TRIO: variants seen among roughly 807,000 people sequenced by gnomAD.
TRIO encodes the protein triple functional domain protein.
Under a neutral mutation model 351.9 loss-of-function variants are expected in TRIO, and 58 were observed. The observed-to-expected ratio is 0.16, with a 90% CI of 0.13 to 0.21. The LOEUF is 0.21. Ranked by LOEUF, TRIO falls within the 10% of genes least tolerant of loss-of-function variation. The pLI, the probability that TRIO is intolerant of heterozygous loss-of-function variation, is 1.00. For synonymous variants in TRIO, 1,758 were observed against 1,595.7 expected (o/e 1.10, Z -2.42); for missense variants, 3,201 against 4,027.8 (o/e 0.79, Z 5.56).
intron 1 of TRIO, among the ~76,000 whole-genome samples, chr5:14,224,882 G>C (rs1488740958): frequency 6.6e-6 from 1 of 151,874 alleles, no homozygotes; most frequent in Non-Finnish European, 1.5e-5. Context: ...GTGACATTAT[G>C]TTAAATACGC....
chr5:14,420,577 T>C (rs1750034238), intron 34 of TRIO: 1 of 153,140 alleles, frequency 6.5e-6, no homozygotes. Context: ...CAGAGGATTT[T>C]CAGACTTTGG....
At chr5:14,177,776 G>T (rs956632311) in intron 1 of TRIO, among the ~76,000 whole-genome samples, 2 of 152,202 alleles carry the variant, frequency 1.3e-5, no homozygotes, top group African/African-American at 4.8e-5. Context: ...CTGTCTTGAG[G>T]GCTGAGTATA....
At chr5:14,359,157 T>C (rs1218195606) in intron 12 of TRIO, among the ~76,000 whole-genome samples, 200 bp from the exon 13 acceptor site, 4 of 152,268 alleles carry the variant, frequency 2.6e-5, no homozygotes, top group African/African-American at 7.2e-5. Flanking sequence ...AATTCTTCAA[T>C]GTATCCTCAG....
chr5:14,233,911 C>T (rs770763331), intron 1 of TRIO, among the ~76,000 whole-genome samples: 47 of 152,056 alleles, frequency 3.1e-4, no homozygotes, highest in Non-Finnish European at 5.1e-4. Context: ...TCACCTCAGC[C>T]TCCTGAGTAG....
chr5:14,287,494 T>A (rs1049084999), intron 4 of TRIO, among the ~76,000 whole-genome samples: 4 of 152,226 alleles, frequency 2.6e-5, no homozygotes, highest in African/African-American at 9.6e-5. Context: ...CTGTCATGGA[T>A]AATGGAAAGA....
chr5:14,290,694 A>G, intron 4 of TRIO, 22 bp from the exon 5 acceptor site: 1 of 1,570,094 alleles, frequency 6.4e-7, no homozygotes, highest in Non-Finnish European at 8.6e-7. Context: ...ATCTTCTCAT[A>G]CGTGATTTTT....
chr5:14,154,772 A>G (rs779351557), intron 1 of TRIO, among the ~76,000 whole-genome samples: 10 of 152,198 alleles, frequency 6.6e-5, no homozygotes, highest in Non-Finnish European at 1.5e-4. Context: ...GATGATTGAA[A>G]TGCTGGTCTC....
At chr5:14,439,302 C>T (rs1751838223) in intron 34 of TRIO, among the ~76,000 whole-genome samples, 1 of 152,234 alleles carries the variant, frequency 6.6e-6, no homozygotes, top group Non-Finnish European at 1.5e-5. Flanking sequence ...GCATGAGCCA[C>T]CGCGCCTGGC....
intron 43 of TRIO, 106 bp from the exon 44 acceptor site, chr5:14,481,128 C>A (rs540815206): frequency 4.0e-6 from 5 of 1,238,840 alleles, no homozygotes; most frequent in African/African-American, 1.5e-5. Context: ...GAGTTCAAGA[C>A]CAGCTTGAGT....
intron 1 of TRIO, among the ~76,000 whole-genome samples, chr5:14,234,767 C>T (rs539243622): frequency 6.2e-4 from 95 of 152,194 alleles, no homozygotes; most frequent in South Asian, 1.2e-3. Flanking sequence ...TAAATTGCCA[C>T]GTCAGATCAT....
rs1007314592 is a variant in TRIO, at chr5:14,304,130, G to T, written c.1369-331G>T. 5.9e-5 allele frequency among the ~76,000 whole-genome samples: 9 copies of T among 152,272 alleles called. No individual in the cohort carries two copies. In the South Asian group the frequency reaches 1.9e-3, roughly 32 times the overall value. On this transcript the variant is annotated intron_variant, in intron 7 of 56. Transcript: ENST00000344204. ...GGAGTGCAGGGCAGTTAGAAACGTG[G>T]ATTCAAAGGTGGACTGGGAGAATTT... is the stretch of plus-strand genomic sequence containing the variant.
In TRIO at chr5:14,442,055, T is replaced by TGCTG. The variant is rs1752095875; in HGVS notation, c.5204-18963_5204-18960dup. On this transcript the variant is annotated intron_variant, in intron 34 of 56. Transcript: ENST00000344204. ...GTTGGGTCTGCAGATGCCCATGGAA[T>TGCTG]GCTGCCCTGTTCCAGAGGCCAGCTT... 2.6e-5 allele frequency among the ~76,000 whole-genome samples: 4 copies of TGCTG among 152,352 alleles called. No individual in the cohort carries two copies. In the South Asian group the frequency reaches 8.3e-4, roughly 32 times the overall value.
chr5:14,507,447 G>A (rs76507250), intron 56 of TRIO, among the ~76,000 whole-genome samples, 187 bp downstream of exon 56: 6 of 152,138 alleles, frequency 3.9e-5, no homozygotes, highest in South Asian at 2.1e-4. Flanking sequence ...TGATGCACAC[G>A]GTCAGGAGCA....
intron 1 of TRIO, among the ~76,000 whole-genome samples, chr5:14,174,602 T>G (rs1438522828): frequency 1.3e-5 from 2 of 152,212 alleles, no homozygotes; most frequent in Non-Finnish European, 2.9e-5. Flanking sequence ...CACACAAGGC[T>G]GCGGGCCTGA....
intron 30 of TRIO, chr5:14,399,289 T>G (rs1451770616): frequency 1.8e-6 from 1 of 547,776 alleles, no homozygotes; most frequent in Admixed American, 3.3e-5. Context: ...GGAAACTTGC[T>G]CTTCTTAAAT....
chr5:14,281,775 T>C (rs1208571883), intron 3 of TRIO, among the ~76,000 whole-genome samples: 1 of 152,048 alleles, frequency 6.6e-6, no homozygotes, highest in African/African-American at 2.4e-5. Context: ...CCTAAGAGAC[T>C]AAATGAGGAT....
intron 5 of TRIO, among the ~76,000 whole-genome samples, chr5:14,292,515 TG>T (rs1736999583): frequency 6.6e-6 from 1 of 152,254 alleles, no homozygotes; most frequent in Non-Finnish European, 1.5e-5. Flanking sequence ...TTTATGTTTT[TG>T]CAATCTGCAC....
At chr5:14,173,386 A>G (rs1255780318) in intron 1 of TRIO, among the ~76,000 whole-genome samples, 9 of 151,236 alleles carry the variant, frequency 6.0e-5, no homozygotes, top group Admixed American at 3.3e-4. Flanking sequence ...AAGTTTTTCT[A>G]TTTTCAGTAG....
chr5:14,432,095 A>G (rs568443557), intron 34 of TRIO, among the ~76,000 whole-genome samples: 1 of 152,356 alleles, frequency 6.6e-6, no homozygotes, highest in Non-Finnish European at 1.5e-5. Context: ...AGAAATTAAC[A>G]GTAGTAACAG....
Sources: gnomAD v4.1 joint callset for allele counts (sites outside exome capture counted in the v4.1 genomes callset) on GRCh38, gnomAD v4.1.1 for gene constraint, MANE v1.5 for transcripts, NCBI Gene and HGNC (gene_info 2026-07-23, HGNC 2026-07-21) for gene names.